The following RAD18 variants were observed in gnomAD, a reference collection of about 807,000 sequenced individuals.
The protein encoded by RAD18 is RAD18 E3 ubiquitin protein ligase, also known as E3 ubiquitin-protein ligase RAD18.
RAD18 carries 47 observed loss-of-function variants against 60.4 expected under a neutral mutation model. The observed-to-expected ratio is 0.78, with a 90% CI of 0.62 to 0.99. The LOEUF is 0.99. RAD18 is among the 50% of genes least tolerant of loss of function. RAD18 has a pLI of 0.00. For missense variants in RAD18, 640 were observed against 593.3 expected, an observed-to-expected ratio of 1.08 and a Z score of -0.82; for synonymous variants, 225 against 195.5, an observed-to-expected ratio of 1.15 and a Z score of -1.26.
At chr3:8,931,080 T>A (rs1204576665) in intron 7 of RAD18, among the ~76,000 whole-genome samples, 1 of 141,750 alleles carries the variant, frequency 7.1e-6, no homozygotes, top group East Asian at 1.9e-4. Context: ...TAAATAAAAC[T>A]GTTTTTATTG....
intron 7 of RAD18, among the ~76,000 whole-genome samples, chr3:8,921,634 T>C (rs1179048838): frequency 6.6e-6 from 1 of 151,560 alleles, no homozygotes; most frequent in Non-Finnish European, 1.5e-5. Flanking sequence ...AGCAAGACCC[T>C]ATCTTTAAAA....
At position 8,937,345 on chromosome 3, in the gene RAD18, C is replaced by T. The variant is rs78587561; in HGVS notation, c.705-1290G>A. Among the ~76,000 whole-genome samples, 363 of 151,480 alleles carry T rather than the reference C, an allele frequency of 2.4e-3. 1 individual carries two copies. Among genetic ancestry groups the T allele is most frequent in the African/African-American group, 7.9e-3 (327 of 41,224 alleles). Reference sequence around the variant, plus strand: ...CTGGCATTTACAATAAAAAGCACCACCAGAGATCAACAATTTCTATCAGGA... The same window carrying T: ...CTGGCATTTACAATAAAAAGCACCATCAGAGATCAACAATTTCTATCAGGA... On this transcript the variant is annotated intron_variant, in intron 6 of 12. Coordinates refer to ENST00000264926, the MANE Select transcript of RAD18 (RefSeq NM_020165.4).
At chr3:8,890,592 G>A (rs1939667390) in intron 11 of RAD18, 141 bp from the exon 12 acceptor site, 1 of 573,982 alleles carries the variant, frequency 1.7e-6, no homozygotes, top group Non-Finnish European at 3.0e-6. Flanking sequence ...AGGAGGGAGA[G>A]TGGGGGTGGG....
rs539270470 is a variant in RAD18, at chr3:8,949,940, A to G, written c.134-1370T>C. On this transcript the variant is annotated intron_variant, in intron 2 of 12. Coordinates refer to ENST00000264926, the MANE Select transcript of RAD18 (RefSeq NM_020165.4). ...GTTCTTCAAAGTTCTCACAGTGAAT[A>G]TTGGAGAAAAACCCCCCAGTCCTTC... Among the ~76,000 whole-genome samples, 28 of 152,316 alleles carry G rather than the reference A, an allele frequency of 1.8e-4. 1 individual carries two copies. The highest frequency in any genetic ancestry group is 3.4e-4 in the Non-Finnish European group (23 of 68,024).
intron 7 of RAD18, among the ~76,000 whole-genome samples, chr3:8,929,799 G>A (rs1231947122): frequency 2.0e-5 from 3 of 152,080 alleles, no homozygotes; most frequent in African/African-American, 7.2e-5. Context: ...CTGCCACCAC[G>A]CCCAGCTAAT....
At chr3:8,907,562 C>CT (rs1559767484) in intron 9 of RAD18, among the ~76,000 whole-genome samples, 1 of 152,134 alleles carries the variant, frequency 6.6e-6, no homozygotes, top group Non-Finnish European at 1.5e-5. Flanking sequence ...CATAAAAACA[C>CT]TTCAGCTGGC....
At chr3:8,891,007 A>C (rs566351125) in intron 11 of RAD18, among the ~76,000 whole-genome samples, 1 of 151,856 alleles carries the variant, frequency 6.6e-6, no homozygotes, top group East Asian at 1.9e-4. Flanking sequence ...AATACCACAA[A>C]TATGATGTCT....
chr3:8,902,327 A>T, intron 10 of RAD18, 53 bp downstream of exon 10: 2 of 1,389,878 alleles, frequency 1.4e-6, no homozygotes, highest in South Asian at 3.4e-5. Context: ...TTTTCATATT[A>T]AAAGTAAATA....
chr3:8,913,706 G>A lies in RAD18; in HGVS notation c.904C>T (p.Arg302Ter), dbSNP rs536501018. 7.4e-5 allele frequency: 116 copies of A among 1,560,446 alleles called. 1 individual carries two copies. In the South Asian group the frequency reaches 9.8e-4, roughly 13 times the overall value. Residue 302 changes from arginine to a stop codon, truncating the protein, a stop_gained, in exon 8 of 13, where the codon CGA becomes TGA. Transcript: ENST00000264926. LOFTEE classifies it high-confidence loss of function. ...LHPKSAAEIV[R>*]EIENIEKTRM... The stretch of plus-strand genomic sequence containing the variant: ...GTCTTCTCTATATTTTCGATTTCTC[G>A]AACTATTTCAGCAGCTGTTAAAATA...
At chr3:8,894,362 T>C (rs558840345) in intron 11 of RAD18, among the ~76,000 whole-genome samples, 104 of 152,300 alleles carry the variant, frequency 6.8e-4, no homozygotes, top group African/African-American at 2.5e-3. Flanking sequence ...TAACAAGAGA[T>C]GAAACCAAGC....
chr3:8,899,751 T>C (rs909195221), intron 10 of RAD18, among the ~76,000 whole-genome samples: 1 of 152,182 alleles, frequency 6.6e-6, no homozygotes, highest in African/African-American at 2.4e-5. Context: ...TGTGAAAGAT[T>C]CTTTAGTGCC....
Position 8,941,712 on chromosome 3 carries a change from A to G in RAD18, c.359T>C (p.Val120Ala). The G allele has an allele frequency of 1.9e-6, 3 of 1,614,168 alleles. No homozygotes were observed. Among genetic ancestry groups the G allele is most frequent in the Non-Finnish European group, 2.5e-6 (3 of 1,179,980 alleles). ...CTGCTTTAAAGACTGTCTGGAGGCT[A>G]CAGGAGTATATACTTTGACAGCAAG... Reference protein sequence around the residue: ...KNLAVKVYTPVASRQSLKQGS... With the variant: ...KNLAVKVYTPAASRQSLKQGS... The change falls in exon 5 of 13, where the codon GTA becomes GCA. Residue 120 changes from valine (V) to alanine (A), a missense_variant. Val to Ala is a moderately conservative substitution (Grantham distance 64). Coordinates refer to ENST00000264926, the MANE Select transcript of RAD18 (RefSeq NM_020165.4).
chr3:8,878,028 A>C lies in RAD18; in HGVS notation c.*3329T>G, dbSNP rs1384667493. The C allele has an allele frequency of 6.6e-6, 1 of 152,456 alleles. No homozygotes were observed. The highest frequency in any genetic ancestry group is 1.5e-5 in the Non-Finnish European group (1 of 68,250). The allele number at this position is 152,456 out of a possible 1,614,324, so 9.4% of individuals were successfully genotyped here. A position where few individuals can be genotyped will look rare whatever the true frequency, so the allele number is the denominator to read the frequency against. On this transcript the variant is annotated 3_prime_UTR_variant, in exon 13 of 13. Transcript: ENST00000264926. ...CTGCCCTAGCACTTGGCAGGTTTGCATCTTGGGGCTATATCGGGGATGGCG... is the reference window on the plus strand; with the variant it reads ...CTGCCCTAGCACTTGGCAGGTTTGCCTCTTGGGGCTATATCGGGGATGGCG...
intron 11 of RAD18, among the ~76,000 whole-genome samples, chr3:8,892,206 ACG>A (rs1472658782): frequency 1.3e-5 from 2 of 152,204 alleles, no homozygotes; most frequent in Non-Finnish European, 1.5e-5. Context: ...AAAGTCTAGA[ACG>A]AGGAACTTTT....
chr3:8,962,079 T>C (rs1941101801), intron 1 of RAD18, among the ~76,000 whole-genome samples: 1 of 152,216 alleles, frequency 6.6e-6, no homozygotes, highest in Non-Finnish European at 1.5e-5. Context: ...CCACTTGGTG[T>C]CAGGCACTGC....
intron 2 of RAD18, among the ~76,000 whole-genome samples, chr3:8,958,346 G>A (rs1286844527): frequency 6.6e-6 from 1 of 152,106 alleles, no homozygotes; most frequent in Non-Finnish European, 1.5e-5. Flanking sequence ...ACAATGATAG[G>A]GTAACCCCTA....
chr3:8,895,675 A>G (rs924616425), intron 11 of RAD18, among the ~76,000 whole-genome samples: 11 of 152,142 alleles, frequency 7.2e-5, no homozygotes, highest in African/African-American at 2.2e-4. Flanking sequence ...AGATTGATAT[A>G]TTTACATGGT....
Position 8,919,184 on chromosome 3 carries a change from C to A in RAD18, c.890-5464G>T, listed in dbSNP as rs527902428. Among the ~76,000 whole-genome samples, 8 of 152,272 alleles carry A rather than the reference C, an allele frequency of 5.3e-5. No individual in the cohort carries two copies. The East Asian group carries it at 5.8e-4, about 11-fold the overall frequency. On this transcript the variant is annotated intron_variant, in intron 7 of 12. Transcript: ENST00000264926. Reference sequence around the variant, plus strand: ...AATAACATTTCAAGGGATCTGGGAACTAAATCATCATTAGAACCACAGCCT... The same window carrying A: ...AATAACATTTCAAGGGATCTGGGAAATAAATCATCATTAGAACCACAGCCT...
At chr3:8,918,700 T>C (rs925522265) in intron 7 of RAD18, among the ~76,000 whole-genome samples, 4 of 152,168 alleles carry the variant, frequency 2.6e-5, no homozygotes, top group African/African-American at 9.7e-5. Context: ...ATCTACTCTT[T>C]ATAAGCAAAG....
Sources: allele counts gnomAD v4.1 joint callset (sites outside exome capture counted in the v4.1 genomes callset), GRCh38; gene constraint gnomAD v4.1.1; transcripts MANE v1.5; gene names NCBI Gene and HGNC (gene_info 2026-07-23, HGNC 2026-07-21).